Variants in GRID1 observed in about 807,000 individuals in gnomAD.
GRID1 encodes the protein glutamate ionotropic receptor delta type subunit 1.
Under a neutral mutation model 98.0 loss-of-function variants are expected in GRID1, and 28 were observed. The ratio of observed to expected loss-of-function variants is 0.29; its 90% CI spans 0.21 to 0.39. The LOEUF is 0.39. Among genes scored for constraint, GRID1 ranks in the 10% least tolerant of loss-of-function variants. The probability of loss-of-function intolerance (pLI) is 1.00; values close to 1 mark genes in which losing one functional copy is unlikely to be tolerated. For synonymous variants in GRID1, 553 were observed against 538.5 expected (o/e 1.03, Z -0.37); for missense variants, 1,111 against 1,340.5 (o/e 0.83, Z 2.67).
intron 3 of GRID1, among the ~76,000 whole-genome samples, chr10:86,184,428 A>C (rs936349736): frequency 2.0e-5 from 3 of 148,796 alleles, no homozygotes; most frequent in Non-Finnish European, 4.5e-5. Context: ...ATTTTTACAT[A>C]CAGGCAAGGT....
rs759281334 is a variant in GRID1, at chr10:86,110,215, C to G, written c.726+28604G>C. Among the ~76,000 whole-genome samples the G allele has an allele frequency of 2.0e-5, 3 of 152,258 alleles. No individual in the cohort carries two copies. The East Asian group carries it at 5.8e-4, about 29-fold the overall frequency. ...TCTCGAAATCCTGACCTCAGGTGAT[C>G]CACCTGCCTCGGCCTCCCAAAGTGT... On this transcript the variant is annotated intron_variant, in intron 4 of 15. Coordinates refer to ENST00000327946, the MANE Select transcript of GRID1 (RefSeq NM_017551.3).
chr10:86,245,283 TGG>T (rs1846705351), intron 2 of GRID1, among the ~76,000 whole-genome samples: 1 of 152,184 alleles, frequency 6.6e-6, no homozygotes, highest in African/African-American at 2.4e-5. Flanking sequence ...TTACGGCAAG[TGG>T]GCCAGTGGCC....
chr10:86,115,537 A>G (rs1180433573), intron 4 of GRID1, among the ~76,000 whole-genome samples: 4 of 152,212 alleles, frequency 2.6e-5, no homozygotes, highest in Non-Finnish European at 4.4e-5. Context: ...TGCCACCTAC[A>G]AGGTAGGTAA....
chr10:85,961,763 C>G (rs1176326557), intron 4 of GRID1, among the ~76,000 whole-genome samples: 1 of 151,732 alleles, frequency 6.6e-6, no homozygotes, highest in Non-Finnish European at 1.5e-5. Flanking sequence ...CTTCCTCCCT[C>G]TCTTCCCTTC....
chr10:86,079,223 C>A (rs946436171), intron 4 of GRID1, among the ~76,000 whole-genome samples: 1 of 152,200 alleles, frequency 6.6e-6, no homozygotes, highest in Non-Finnish European at 1.5e-5. Context: ...CCTCCTGGAG[C>A]GGCCTGTTGA....
chr10:85,709,099 G>C (rs545366599), intron 12 of GRID1: 1 of 338,274 alleles, frequency 3.0e-6, no homozygotes, highest in South Asian at 3.3e-5. Flanking sequence ...TTAAGGGAAT[G>C]ACCCTGACTT....
At chr10:85,908,849 G>T (rs1009832025) in intron 5 of GRID1, among the ~76,000 whole-genome samples, 26 of 152,220 alleles carry the variant, frequency 1.7e-4, no homozygotes, top group African/African-American at 5.5e-4. Flanking sequence ...GAAAAAAATA[G>T]ATCAATGGAA....
At chr10:85,790,217 C>A (rs953821581) in intron 8 of GRID1, among the ~76,000 whole-genome samples, 1 of 152,216 alleles carries the variant, frequency 6.6e-6, no homozygotes, top group Admixed American at 6.5e-5. Flanking sequence ...CTGTGTTTCC[C>A]TTCGTCCCCT....
At chr10:85,939,928 A>G (rs886786951) in intron 4 of GRID1, among the ~76,000 whole-genome samples, 16 of 152,138 alleles carry the variant, frequency 1.1e-4, no homozygotes, top group South Asian at 4.2e-4. Flanking sequence ...TTAGCTGGGC[A>G]TGGTGGTGCA....
rs558595091 is a variant in GRID1 at position 85,717,613 on chromosome 10, T to C, written c.1997+5390A>G. 1.1e-4 allele frequency among the ~76,000 whole-genome samples: 16 copies of C among 152,272 alleles called. No homozygotes were observed. In the South Asian group the frequency reaches 2.9e-3, roughly 28 times the overall value. On this transcript the variant is annotated intron_variant, in intron 12 of 15. Coordinates refer to ENST00000327946, the MANE Select transcript of GRID1 (RefSeq NM_017551.3). ...TTTGGATGGAGGCAGAGCCAAACCA[T>C]ATTATTCCATTCCTGGCCCCTCCAA...
At chr10:85,864,962 C>A (rs1264313919) in intron 6 of GRID1, among the ~76,000 whole-genome samples, 1 of 152,172 alleles carries the variant, frequency 6.6e-6, no homozygotes, top group Non-Finnish European at 1.5e-5. Flanking sequence ...GGGGGGATGG[C>A]TATGTGACAA....
chr10:85,985,661 C>G (rs991473797), intron 4 of GRID1, among the ~76,000 whole-genome samples: 1 of 152,222 alleles, frequency 6.6e-6, no homozygotes, highest in Non-Finnish European at 1.5e-5. Flanking sequence ...ACAGTCACCT[C>G]CTGGTTGGGC....
At chr10:86,322,820 G>A (rs1174303337) in intron 2 of GRID1, among the ~76,000 whole-genome samples, 6 of 151,472 alleles carry the variant, frequency 4.0e-5, no homozygotes, top group Non-Finnish European at 7.4e-5. Flanking sequence ...AGCCAGGCAC[G>A]GTGGCTCATG....
chr10:85,779,862 A>G (rs1478824091), intron 8 of GRID1, among the ~76,000 whole-genome samples: 1 of 152,172 alleles, frequency 6.6e-6, no homozygotes, highest in African/African-American at 2.4e-5. Context: ...CTTTCTACGA[A>G]GGCACCATGT....
chr10:86,362,246 G>A (rs1251843732), intron 2 of GRID1, among the ~76,000 whole-genome samples: 1 of 152,184 alleles, frequency 6.6e-6, no homozygotes, highest in African/African-American at 2.4e-5. Context: ...TGTCACCCCA[G>A]GTCCCCACCC....
At chr10:86,288,059 T>C (rs1479591058) in intron 2 of GRID1, among the ~76,000 whole-genome samples, 2 of 152,280 alleles carry the variant, frequency 1.3e-5, no homozygotes, top group South Asian at 4.1e-4. Context: ...CATTGCCTCC[T>C]GGGGAAAAGG....
intron 4 of GRID1, among the ~76,000 whole-genome samples, chr10:86,001,635 T>C (rs765301660): frequency 6.6e-6 from 1 of 152,228 alleles, no homozygotes; most frequent in Non-Finnish European, 1.5e-5. Context: ...CAGATTCAGC[T>C]TCAGAGGCAT....
chr10:85,655,616 T>A (rs1840885828), intron 12 of GRID1, among the ~76,000 whole-genome samples: 1 of 152,204 alleles, frequency 6.6e-6, no homozygotes, highest in Admixed American at 6.5e-5. Flanking sequence ...AGGAGACCCT[T>A]AAAGCTGCTT....
chr10:86,108,538 C>A (rs1284523779), intron 4 of GRID1, among the ~76,000 whole-genome samples: 1 of 152,148 alleles, frequency 6.6e-6, no homozygotes, highest in African/African-American at 2.4e-5. Flanking sequence ...CATGTGCACA[C>A]AGACATGTAT....
Sources: gnomAD v4.1 joint callset for allele counts (sites outside exome capture counted in the v4.1 genomes callset) on GRCh38, gnomAD v4.1.1 for gene constraint, MANE v1.5 for transcripts, NCBI Gene and HGNC (gene_info 2026-07-23, HGNC 2026-07-21) for gene names.